The following LY96 variants were observed in gnomAD, a reference collection of about 807,000 sequenced individuals.
LY96 encodes lymphocyte antigen 96.
A neutral mutation model predicts 18.9 loss-of-function variants in LY96; 18 were observed. That is an observed-to-expected ratio of 0.95 (90% CI 0.66 to 1.41). LY96 has a LOEUF of 1.41. Among genes scored for constraint, LY96 ranks in the 40% most tolerant of loss-of-function variants. The pLI is 0.00. For missense variants in LY96, 175 were observed against 182.4 expected (o/e 0.96, Z 0.23); for synonymous variants, 66 against 62.6 (o/e 1.06, Z -0.26).
At chr8:74,081,049 TTTCTTTCTTTCTTTCTTA>T in the LY96 span, among the ~76,000 whole-genome samples, 734 of 103,978 alleles carry the variant, frequency 7.1e-3, 28 homozygotes, top group Admixed American at 0.047. Context: ...TTTCTTTCTT[TTTCTTTCTTTCTTTCTTA>T]CTTTCTTTCT....
chr8:74,050,181 A>G, the LY96 span, among the ~76,000 whole-genome samples: 3 of 151,992 alleles, frequency 2.0e-5, no homozygotes, highest in Non-Finnish European at 2.9e-5. Flanking sequence ...CATCTCTACT[A>G]AAAATACAAA....
chr8:74,060,784 T>G, the LY96 span, among the ~76,000 whole-genome samples: 1 of 152,192 alleles, frequency 6.6e-6, no homozygotes, highest in Non-Finnish European at 1.5e-5. Flanking sequence ...TCCTAGGAGA[T>G]TATGTTTCCT....
chr8:74,080,983 TC>T, the LY96 span, among the ~76,000 whole-genome samples: 287 of 133,130 alleles, frequency 2.2e-3, 9 homozygotes, highest in Admixed American at 0.02. Flanking sequence ...TTTCTTTCTC[TC>T]TCTTTCTTTC....
chr8:73,996,506 C>T (rs934568651), intron 1 of LY96, among the ~76,000 whole-genome samples: 1 of 151,418 alleles, frequency 6.6e-6, no homozygotes, highest in Non-Finnish European at 1.5e-5. Context: ...TCATTGCAAC[C>T]TCCCAGGTTC....
the LY96 span, among the ~76,000 whole-genome samples, chr8:74,081,014 C>CTT: frequency 8.3e-5 from 11 of 131,846 alleles, no homozygotes; most frequent in South Asian, 1.3e-3. Context: ...TTCTTTCTTT[C>CTT]TTTCTTTCTT....
At chr8:74,018,986 C>T (rs1399368689) in intron 3 of LY96, among the ~76,000 whole-genome samples, 3 of 151,808 alleles carry the variant, frequency 2.0e-5, no homozygotes, top group Non-Finnish European at 2.9e-5. Context: ...GATCTAAAAT[C>T]GACACCCTAA....
chr8:74,094,608 C>A, the LY96 span, among the ~76,000 whole-genome samples: 1 of 152,142 alleles, frequency 6.6e-6, no homozygotes, highest in Non-Finnish European at 1.5e-5. Flanking sequence ...GGTTTGATTG[C>A]AAATGTCTTT....
At chr8:74,092,451 T>C in the LY96 span, among the ~76,000 whole-genome samples, 1 of 152,208 alleles carries the variant, frequency 6.6e-6, no homozygotes, top group Non-Finnish European at 1.5e-5. Flanking sequence ...TGCTCTTCTA[T>C]ACAAGTTGCC....
intron 3 of LY96, among the ~76,000 whole-genome samples, chr8:74,014,759 G>T (rs1204795787): frequency 6.7e-6 from 1 of 150,360 alleles, no homozygotes; most frequent in South Asian, 2.1e-4. Context: ...ATGATATTTA[G>T]AAAATATGGA....
intron 1 of LY96, among the ~76,000 whole-genome samples, chr8:74,001,411 C>T (rs1454459500): frequency 1.3e-5 from 2 of 151,680 alleles, no homozygotes; most frequent in Non-Finnish European, 2.9e-5. Flanking sequence ...GTATTTTTTG[C>T]GGAGATGGGG....
At chr8:74,093,985 C>T in the LY96 span, among the ~76,000 whole-genome samples, 2 of 152,022 alleles carry the variant, frequency 1.3e-5, no homozygotes, top group Non-Finnish European at 2.9e-5. Context: ...CTTAGTCAAG[C>T]AATAAATAAT....
At chr8:74,046,676 A>T in the LY96 span, among the ~76,000 whole-genome samples, 1 of 152,144 alleles carries the variant, frequency 6.6e-6, no homozygotes, top group Admixed American at 6.5e-5. Flanking sequence ...GATCAATAAC[A>T]AAGACTGAGA....
At chr8:74,068,061 CAAAAAAAAA>C in the LY96 span, among the ~76,000 whole-genome samples, 2 of 36,202 alleles carry the variant, frequency 5.5e-5, no homozygotes, top group Non-Finnish European at 4.6e-5. Flanking sequence ...AACTCTGTCT[CAAAAAAAAA>C]AAAAAAAAAA....
At chr8:74,000,097 A>G (rs758461117) in intron 1 of LY96, among the ~76,000 whole-genome samples, 15 of 152,196 alleles carry the variant, frequency 9.9e-5, no homozygotes, top group Non-Finnish European at 1.8e-4. Flanking sequence ...TCAAAGTCCT[A>G]GCCTATCTTA....
chr8:74,034,466 C>A, the LY96 span, among the ~76,000 whole-genome samples: 1 of 152,090 alleles, frequency 6.6e-6, no homozygotes, highest in Non-Finnish European at 1.5e-5. Context: ...TCAGCCCCAA[C>A]TTTTGTTTTT....
At chr8:74,046,928 G>C in the LY96 span, among the ~76,000 whole-genome samples, 1 of 134,836 alleles carries the variant, frequency 7.4e-6, no homozygotes, top group Admixed American at 7.7e-5. Context: ...TTGAGACTGA[G>C]TCTCGCTCCG....
intron 3 of LY96, among the ~76,000 whole-genome samples, chr8:74,013,469 A>G (rs538860139): frequency 6.6e-6 from 1 of 152,204 alleles, no homozygotes; most frequent in South Asian, 2.1e-4. Flanking sequence ...TAATTAAAAA[A>G]TAGAGATAAG....
intron 1 of LY96, among the ~76,000 whole-genome samples, chr8:73,995,783 T>C (rs2131251242): frequency 1.3e-5 from 2 of 152,230 alleles, no homozygotes; most frequent in South Asian, 4.1e-4. Context: ...GATTATTTAG[T>C]GAAACCAATA....
the LY96 span, among the ~76,000 whole-genome samples, chr8:74,078,579 G>C: frequency 6.6e-6 from 1 of 152,116 alleles, no homozygotes; most frequent in African/African-American, 2.4e-5. Flanking sequence ...GGGTTCTGAG[G>C]CTTTTGCACT....
Sources: gnomAD v4.1 joint callset for allele counts (sites outside exome capture counted in the v4.1 genomes callset) on GRCh38, gnomAD v4.1.1 for gene constraint, MANE v1.5 for transcripts, NCBI Gene and HGNC (gene_info 2026-07-23, HGNC 2026-07-21) for gene names.